AGPAT3: variants seen among roughly 807,000 people sequenced by gnomAD.
The protein encoded by AGPAT3 is 1-acylglycerol-3-phosphate O-acyltransferase 3.
In AGPAT3, 5 loss-of-function variants were observed where a neutral mutation model predicts 47.3. The observed-to-expected ratio is 0.11, with a 90% CI of 0.06 to 0.22. The LOEUF (loss-of-function observed/expected upper bound fraction) is 0.22, where lower values mean the gene tolerates loss of function less well. Among genes scored for constraint, AGPAT3 ranks in the 10% least tolerant of loss-of-function variants. AGPAT3 has a pLI of 1.00. For synonymous variants in AGPAT3, 212 were observed against 208.3 expected (o/e 1.02, Z -0.15); for missense variants, 315 against 493.0 (o/e 0.64, Z 3.42).
chr21:43,896,943 G>GTTTTTTTTTTTTTTTTTTTTTTTTTT (rs61657564), intron 1 of AGPAT3, among the ~76,000 whole-genome samples: 1 of 42,342 alleles, frequency 2.4e-5, no homozygotes, highest in Non-Finnish European at 4.4e-5. Context: ...TTGACAGTCC[G>GTTTTTTTTTTTTTTTTTTTTTTTTTT]TTTTTTTTTT....
chr21:43,904,490 G>A (rs962727901), intron 2 of AGPAT3, among the ~76,000 whole-genome samples: 1 of 152,148 alleles, frequency 6.6e-6, no homozygotes, highest in South Asian at 2.1e-4. Context: ...CCCGTGGGGA[G>A]CCCAGCTATC....
rs559958121 is a variant in AGPAT3 at position 43,945,170 on chromosome 21, C to T, written c.-48-14464C>T. On this transcript the variant is annotated intron_variant, in intron 2 of 9. Transcript: ENST00000291572. Reference sequence around the variant, plus strand: ...GCATATGTGCACATCCAGCCAGCTCCGTTTTCCAGTCTGGGGACTATGGTG... The same window carrying T: ...GCATATGTGCACATCCAGCCAGCTCTGTTTTCCAGTCTGGGGACTATGGTG... Among the ~76,000 whole-genome samples the T allele has an allele frequency of 7.2e-5, 11 of 152,288 alleles. No homozygotes were observed. In the East Asian group the frequency reaches 1.7e-3, roughly 24 times the overall value.
rs937597384 is a variant in AGPAT3, at chr21:43,908,306, G to A, written c.-49+4287G>A. On this transcript the variant is annotated intron_variant, in intron 2 of 9. Coordinates refer to ENST00000291572, the MANE Select transcript of AGPAT3 (RefSeq NM_020132.5). This position sits in a 1 kb window ranked among gnomAD's most constrained non-coding sequence, Gnocchi z 4.9. ...GCCCTGAGGACTCTGGGGAAGGAAT[G>A]CCTGTCGTGAGCGGAACCAGCCAAG... Among the ~76,000 whole-genome samples, 8 of 152,170 alleles carry A rather than the reference G, an allele frequency of 5.3e-5. No homozygotes were observed. Among genetic ancestry groups the A allele is most frequent in the African/African-American group, 1.9e-4 (8 of 41,440 alleles).
intron 1 of AGPAT3, among the ~76,000 whole-genome samples, chr21:43,870,528 A>G (rs571081328): frequency 4.6e-4 from 70 of 151,842 alleles, no homozygotes; most frequent in Middle Eastern, 3.4e-3. Context: ...ACTGGCCAAC[A>G]TGATGAAACC....
At chr21:43,947,206 G>A (rs1204005343) in intron 2 of AGPAT3, 2 of 152,454 alleles carry the variant, frequency 1.3e-5, no homozygotes, top group Non-Finnish European at 2.9e-5. Flanking sequence ...TACACTGGCA[G>A]TGATGCAGTG....
At chr21:43,936,614 A>G (rs757205605) in intron 2 of AGPAT3, among the ~76,000 whole-genome samples, 12 of 152,216 alleles carry the variant, frequency 7.9e-5, no homozygotes, top group Admixed American at 1.3e-4. Context: ...TGCCCCTATA[A>G]TACTTCTGTT....
rs557462613 is a variant in AGPAT3 at position 43,932,357 on chromosome 21, G to A, written c.-48-27277G>A. On this transcript the variant is annotated intron_variant, in intron 2 of 9. Coordinates refer to ENST00000291572, the MANE Select transcript of AGPAT3 (RefSeq NM_020132.5). The surrounding 1 kb of genome is among the most constrained non-coding windows in gnomAD (Gnocchi z 5.2). ...TTCCTCGTGTGAGTGAGGTCGTGCA[G>A]GACTTGTCGTTCTGTGACTGGCTGA... is the stretch of plus-strand genomic sequence containing the variant. Among the ~76,000 whole-genome samples, 1 of 152,324 alleles carries A rather than the reference G, an allele frequency of 6.6e-6. No individual in the cohort carries two copies. The highest frequency in any genetic ancestry group is 2.4e-5 in the African/African-American group (1 of 41,572).
At chr21:43,927,142 C>T (rs936389078) in intron 2 of AGPAT3, among the ~76,000 whole-genome samples, 6 of 152,040 alleles carry the variant, frequency 3.9e-5, no homozygotes, top group Admixed American at 2.0e-4. Context: ...GGGATGGAGA[C>T]GGGGTGAGGG....
chr21:43,889,343 A>G (rs890656563), intron 1 of AGPAT3, among the ~76,000 whole-genome samples: 2 of 147,382 alleles, frequency 1.4e-5, no homozygotes, highest in East Asian at 4.0e-4. Flanking sequence ...TCCATTTCGC[A>G]TTTGCCAGGA....
At chr21:43,943,847 C>T (rs980630005) in intron 2 of AGPAT3, among the ~76,000 whole-genome samples, 2 of 152,212 alleles carry the variant, frequency 1.3e-5, no homozygotes, top group African/African-American at 4.8e-5. Context: ...CAGAAGCCTG[C>T]GCTGTGTTTA....
At position 43,922,949 on chromosome 21, in the gene AGPAT3, G is replaced by C. The variant is rs1055006500; in HGVS notation, c.-49+18930G>C. ...GCGGGGCGGGCTCTGGGGTGCGAGC[G>C]TCTGTTCTGTGTCAGGAGTCCCTGT... On this transcript the variant is annotated intron_variant, in intron 2 of 9. Coordinates refer to ENST00000291572, the MANE Select transcript of AGPAT3 (RefSeq NM_020132.5). The surrounding 1 kb of genome is among the most constrained non-coding windows in gnomAD (Gnocchi z 4.9). Among the ~76,000 whole-genome samples the C allele has an allele frequency of 6.6e-6, 1 of 152,218 alleles. No individual in the cohort carries two copies. Among genetic ancestry groups the C allele is most frequent in the East Asian group, 1.9e-4 (1 of 5,196 alleles).
At chr21:43,879,439 T>C (rs898698234) in intron 1 of AGPAT3, among the ~76,000 whole-genome samples, 33 of 151,172 alleles carry the variant, frequency 2.2e-4, no homozygotes, top group African/African-American at 6.8e-4. Flanking sequence ...CAATTGATGC[T>C]GTACAGTATT....
intron 3 of AGPAT3, among the ~76,000 whole-genome samples, chr21:43,961,892 T>C (rs545580421): frequency 4.4e-4 from 67 of 152,344 alleles, no homozygotes; most frequent in African/African-American, 1.6e-3. Flanking sequence ...TTATGTCAGC[T>C]AACTTTTCAT....
intron 7 of AGPAT3, among the ~76,000 whole-genome samples, chr21:43,974,665 G>C (rs2089536710): frequency 6.6e-6 from 1 of 151,720 alleles, no homozygotes; most frequent in Non-Finnish European, 1.5e-5. Context: ...TTATAAATGT[G>C]TGTGTGGTGT....
chr21:43,982,570 C>T lies in AGPAT3; in HGVS notation c.*178C>T. 1.1e-5 allele frequency: 6 copies of T among 522,274 alleles called. No homozygotes were observed. Among genetic ancestry groups the T allele is most frequent in the Non-Finnish European group, 2.0e-5 (6 of 293,600 alleles). 32.4% of individuals were successfully genotyped at this position (522,274 alleles called of 1,614,324 possible). ...CAGAAGGCCTGTCAGGTGAAGTCTTCAGCCTCCCACAGCGCAGGGTCCCAG... is the reference window on the plus strand; with the variant it reads ...CAGAAGGCCTGTCAGGTGAAGTCTTTAGCCTCCCACAGCGCAGGGTCCCAG... On this transcript the variant is annotated 3_prime_UTR_variant, in exon 10 of 10. Transcript: ENST00000291572. The surrounding 1 kb of genome is among the most constrained non-coding windows in gnomAD (Gnocchi z 6.2).
intron 2 of AGPAT3, among the ~76,000 whole-genome samples, chr21:43,912,567 G>A (rs2086651069): frequency 6.6e-6 from 1 of 152,270 alleles, no homozygotes; most frequent in South Asian, 2.1e-4. Flanking sequence ...TGCAGGAAGT[G>A]CCCTGAGGAA....
chr21:43,969,408 T>C lies in AGPAT3; in HGVS notation c.510+129T>C, dbSNP rs1322504905. The stretch of plus-strand genomic sequence containing the variant: ...CTCTGCACATGGGGTGCTGTTTCCA[T>C]GGGGCCATGACTCCCCCATCTGAGC... On this transcript the variant is annotated intron_variant, in intron 5 of 9. Coordinates refer to ENST00000291572, the MANE Select transcript of AGPAT3 (RefSeq NM_020132.5). The C allele has an allele frequency of 5.7e-6, 7 of 1,228,256 alleles. No homozygotes were observed. The Admixed American group carries it at 1.6e-4, about 28-fold the overall frequency. 76.1% of individuals were successfully genotyped at this position (1,228,256 alleles called of 1,614,324 possible). A position where few individuals can be genotyped will look rare whatever the true frequency, so the allele number is the denominator to read the frequency against.
intron 2 of AGPAT3, among the ~76,000 whole-genome samples, chr21:43,958,859 GGTGT>G (rs1231170797): frequency 2.0e-5 from 3 of 147,156 alleles, no homozygotes; most frequent in African/African-American, 2.5e-5. Flanking sequence ...TGTGGTTTGC[GGTGT>G]GTGTGTGGTG....
chr21:43,967,850 C>T (rs755344084), intron 3 of AGPAT3, 96 bp from the exon 4 acceptor site: 19 of 1,306,866 alleles, frequency 1.5e-5, no homozygotes, highest in Admixed American at 4.9e-5. Context: ...GACTTCCTCT[C>T]TGGACAAAAA....
Sources: gnomAD v4.1 joint callset for allele counts (sites outside exome capture counted in the v4.1 genomes callset) on GRCh38, gnomAD v4.1.1 for gene constraint, Gnocchi (gnomAD v3.1) non-coding constraint, MANE v1.5 for transcripts, NCBI Gene and HGNC (gene_info 2026-07-23, HGNC 2026-07-21) for gene names.